CERS1: variants seen among roughly 807,000 people sequenced by gnomAD.
CERS1 encodes the protein Embryonic growth/differentiation factor 1.
In CERS1, 16 loss-of-function variants were observed where a neutral mutation model predicts 35.7. The observed-to-expected ratio is 0.45, with a 90% CI of 0.30 to 0.68. CERS1 has a LOEUF of 0.68. Ranked by LOEUF, CERS1 falls within the 30% of genes least tolerant of loss-of-function variation. The pLI is 0.08. For missense variants in CERS1, 454 were observed against 453.9 expected, an observed-to-expected ratio of 1.00 and a Z score of 0.00; for synonymous variants, 243 against 201.6, an observed-to-expected ratio of 1.21 and a Z score of -1.74.
chr19:18,896,407 C>A (rs1379130956), upstream of CERS1, among the ~76,000 whole-genome samples: 1 of 151,660 alleles, frequency 6.6e-6, no homozygotes, highest in African/African-American at 2.4e-5. The surrounding 1 kb of genome is among the most constrained non-coding windows in gnomAD (Gnocchi z 5.9). Flanking sequence ...GCCCCGCGCG[C>A]CCCCCGCTCC....
intron 3 of CERS1, among the ~76,000 whole-genome samples, chr19:18,882,809 C>A (rs564662823): frequency 9.9e-5 from 15 of 151,966 alleles, no homozygotes; most frequent in Non-Finnish European, 7.4e-5. Context: ...TCTCCTGTCT[C>A]AGCCTCCTGA....
intron 7 of CERS1, 84 bp downstream of exon 7, chr19:18,869,899 T>G (rs1352705315): frequency 1.5e-6 from 2 of 1,370,638 alleles, no homozygotes; most frequent in South Asian, 1.2e-5. Flanking sequence ...TCGGAGCTGC[T>G]CGGGCATCCC....
At position 18,868,636 on chromosome 19, in the gene CERS1, C is replaced by G. The variant is rs868686446; in HGVS notation, c.*1349G>C. On this transcript the variant is annotated 3_prime_UTR_variant, in exon 8 of 8. Transcript: ENST00000623882. ...ACTCGTCCACCACCATGTCCTCATACTGCCGCAGCACCACGTTGTCGCTGT... is the reference window on the plus strand; with the variant it reads ...ACTCGTCCACCACCATGTCCTCATAGTGCCGCAGCACCACGTTGTCGCTGT... 6.4e-7 allele frequency: 1 copy of G among 1,574,360 alleles called. No homozygotes were observed. The highest frequency in any genetic ancestry group is 8.6e-7 in the Non-Finnish European group (1 of 1,160,108).
At chr19:18,886,128 G>C (rs138554632) in intron 2 of CERS1, among the ~76,000 whole-genome samples, 1 of 150,106 alleles carries the variant, frequency 6.7e-6, no homozygotes, top group Admixed American at 6.6e-5. Flanking sequence ...TGCTCTGGAC[G>C]GGCACGGTGG....
At chr19:18,872,797 G>T (rs569936482) in intron 6 of CERS1, among the ~76,000 whole-genome samples, 2 of 151,532 alleles carry the variant, frequency 1.3e-5, no homozygotes, top group Admixed American at 1.3e-4. Flanking sequence ...TTACAGGCGT[G>T]AGCGCCGCGC....
rs374836827 is a variant in CERS1, at chr19:18,868,573, G to A, written c.*1412C>T. On this transcript the variant is annotated 3_prime_UTR_variant, in exon 8 of 8. Transcript: ENST00000623882. Reference sequence around the variant, plus strand: ...CAGACCACGCGGCATTTATTGTTGGGCCCGCGTCCCTGCCCGCCCCGGGTT... The same window carrying A: ...CAGACCACGCGGCATTTATTGTTGGACCCGCGTCCCTGCCCGCCCCGGGTT... 86 of 1,515,164 alleles carry A rather than the reference G, an allele frequency of 5.7e-5. No homozygotes were observed. The highest frequency in any genetic ancestry group is 7.6e-5 in the Non-Finnish European group (85 of 1,115,696). The allele number at this position is 1,515,164 out of a possible 1,614,324, so 93.9% of individuals were successfully genotyped here.
At chr19:18,882,354 C>G (rs1484546182) in intron 3 of CERS1, among the ~76,000 whole-genome samples, 1 of 151,894 alleles carries the variant, frequency 6.6e-6, no homozygotes, top group Non-Finnish European at 1.5e-5. Flanking sequence ...TTAAACTAAC[C>G]AGACGTGGTG....
In CERS1 at chr19:18,868,719, C is replaced by T. The variant is rs1429110767; in HGVS notation, c.*1266G>A. On this transcript the variant is annotated 3_prime_UTR_variant, in exon 8 of 8. Coordinates refer to ENST00000623882, the MANE Select transcript of CERS1 (RefSeq NM_021267.5). Reference sequence around the variant, plus strand: ...CGCGCGGGCACGCAGCAGGGCAGGTCGGCGGCTCCCGGGGCGGCCGCGTGC... The same window carrying T: ...CGCGCGGGCACGCAGCAGGGCAGGTTGGCGGCTCCCGGGGCGGCCGCGTGC... 5.2e-6 allele frequency: 8 copies of T among 1,541,452 alleles called. No homozygotes were observed. Among genetic ancestry groups the T allele is most frequent in the African/African-American group, 1.4e-5 (1 of 72,580 alleles).
intron 2 of CERS1, among the ~76,000 whole-genome samples, chr19:18,890,993 G>A (rs533813283): frequency 6.6e-6 from 1 of 151,880 alleles, no homozygotes; most frequent in Non-Finnish European, 1.5e-5. Context: ...GGGTGGTGGC[G>A]CGTGCCTATA....
intron 6 of CERS1, among the ~76,000 whole-genome samples, chr19:18,876,459 A>C (rs915908306): frequency 4.6e-5 from 7 of 152,060 alleles, no homozygotes; most frequent in African/African-American, 1.7e-4. Flanking sequence ...CTCCCACCTC[A>C]GCCTCCTGAG....
At position 18,878,827 on chromosome 19, in the gene CERS1, G is replaced by A. The variant is rs541139774; in HGVS notation, c.1010+103C>T. On this transcript the variant is annotated intron_variant, in intron 6 of 7. Transcript: ENST00000623882. The surrounding 1 kb of genome is among the most constrained non-coding windows in gnomAD (Gnocchi z 4.6). ...AGTAGGCTTGGGGGGCAGCATCCGC[G>A]TCGGCCTCATCTGCTGCTGGGTCTT... is the stretch of plus-strand genomic sequence containing the variant. 2.8e-5 allele frequency: 43 copies of A among 1,516,626 alleles called. No individual in the cohort carries two copies. In the South Asian group the frequency reaches 3.3e-4, roughly 12 times the overall value. The allele number at this position is 1,516,626 out of a possible 1,614,324, so 93.9% of individuals were successfully genotyped here.
rs551863121 is a variant in CERS1, at chr19:18,884,991, C to T, written c.410-724G>A. ...TCGGCCTCCCAAAGTGCTGGGATTA[C>T]AGGCGTGAGCCACCGTGCCCGGCCA... On this transcript the variant is annotated intron_variant, in intron 2 of 7. Transcript: ENST00000623882. Among the ~76,000 whole-genome samples the T allele has an allele frequency of 3.3e-5, 5 of 152,224 alleles. No homozygotes were observed. The South Asian group carries it at 8.3e-4, about 25-fold the overall frequency.
intron 2 of CERS1, among the ~76,000 whole-genome samples, chr19:18,886,279 G>C (rs2056357644): frequency 6.6e-6 from 1 of 152,182 alleles, no homozygotes; most frequent in Non-Finnish European, 1.5e-5. Flanking sequence ...GCCGGGCGCA[G>C]TGGCTCACGC....
chr19:18,871,207 G>A (rs1484874015), intron 6 of CERS1, among the ~76,000 whole-genome samples: 110 of 146,888 alleles, frequency 7.5e-4, no homozygotes, highest in East Asian at 4.0e-4. Context: ...ACAGGGGCAC[G>A]CCACCACTCC....
Position 18,870,009 on chromosome 19 carries a change from T to C in CERS1, c.*568A>G, listed in dbSNP as rs1375787373. ...GCGGTCCGGGATGTGGCGCACGATG[T>C]TTCCGGCGACCCCCAGCTCCTCCAC... is the stretch of plus-strand genomic sequence containing the variant. On this transcript the variant is annotated 3_prime_UTR_variant, in exon 7 of 8. Transcript: ENST00000623882. This position sits in a 1 kb window ranked among gnomAD's most constrained non-coding sequence, Gnocchi z 5.1. The C allele has an allele frequency of 2.5e-6, 4 of 1,596,682 alleles. No individual in the cohort carries two copies. The highest frequency in any genetic ancestry group is 3.4e-6 in the Non-Finnish European group (4 of 1,173,422).
intron 3 of CERS1, chr19:18,883,216 A>G (rs2056258495): frequency 6.6e-6 from 1 of 152,212 alleles, no homozygotes; most frequent in South Asian, 2.1e-4. Context: ...CAGCTAGAGC[A>G]GCTAGTCCCG....
chr19:18,868,977 G>T lies in CERS1; in HGVS notation c.*1008C>A. The T allele has an allele frequency of 1.8e-6, 2 of 1,140,164 alleles. No homozygotes were observed. Among genetic ancestry groups the T allele is most frequent in the Non-Finnish European group, 2.2e-6 (2 of 929,562 alleles). The allele number at this position is 1,140,164 out of a possible 1,614,324, so 70.6% of individuals were successfully genotyped here. A position where few individuals can be genotyped will look rare whatever the true frequency, so the allele number is the denominator to read the frequency against. On this transcript the variant is annotated 3_prime_UTR_variant, in exon 8 of 8. Coordinates refer to ENST00000623882, the MANE Select transcript of CERS1 (RefSeq NM_021267.5). ...GCGTCGCGCCGCGGCCGGGCCAGGG[G>T]GTGGCACAGGCGCGGGTCGAGGGTC...
At chr19:18,880,194 C>T in intron 4 of CERS1, 80 bp downstream of exon 4, 1 of 1,414,318 alleles carries the variant, frequency 7.1e-7, no homozygotes, top group Non-Finnish European at 9.4e-7. Flanking sequence ...TCCTTCCCTG[C>T]CTGGTCCCGC....
intron 6 of CERS1, among the ~76,000 whole-genome samples, chr19:18,877,462 C>T (rs531287936): frequency 7.9e-5 from 12 of 152,310 alleles, no homozygotes; most frequent in South Asian, 4.1e-4. Context: ...GGAGAATTCC[C>T]GACTCAGGCC....
Sources: allele counts gnomAD v4.1 joint callset (sites outside exome capture counted in the v4.1 genomes callset), GRCh38; gene constraint gnomAD v4.1.1; non-coding constraint Gnocchi (gnomAD v3.1); transcripts MANE v1.5; gene names NCBI Gene and HGNC (gene_info 2026-07-23, HGNC 2026-07-21).